UHRF2: variants seen among roughly 807,000 people sequenced by gnomAD.
UHRF2 encodes ubiquitin like with PHD and ring finger domains 2, also known as E3 ubiquitin-protein ligase UHRF2.
In UHRF2, 23 loss-of-function variants were observed where a neutral mutation model predicts 96.8. That is an observed-to-expected ratio of 0.24 (90% confidence interval 0.17 to 0.34). The LOEUF is 0.34. Ranked by LOEUF, UHRF2 falls within the 10% of genes least tolerant of loss-of-function variation. The pLI is 1.00. For synonymous variants in UHRF2, 385 were observed against 332.6 expected, an observed-to-expected ratio of 1.16 and a Z score of -1.72; for missense variants, 685 against 981.5, an observed-to-expected ratio of 0.70 and a Z score of 4.04.
intron 4 of UHRF2, among the ~76,000 whole-genome samples, chr9:6,469,312 G>A (rs1455924312): frequency 6.6e-6 from 1 of 152,136 alleles, no homozygotes; most frequent in Non-Finnish European, 1.5e-5. Flanking sequence ...GAGGTCAGGA[G>A]ATCAAGACTA....
intron 3 of UHRF2, among the ~76,000 whole-genome samples, chr9:6,439,234 G>C (rs563990797): frequency 2.0e-5 from 3 of 152,170 alleles, no homozygotes; most frequent in Non-Finnish European, 4.4e-5. Flanking sequence ...GCTTGGGCTG[G>C]AGTGCCGTGG....
intron 4 of UHRF2, among the ~76,000 whole-genome samples, chr9:6,472,641 C>G (rs559858463): frequency 6.6e-6 from 1 of 152,284 alleles, no homozygotes; most frequent in East Asian, 1.9e-4. Context: ...ACAGAACTAA[C>G]TGAACATAAA....
At chr9:6,435,738 C>G (rs753118708) in intron 3 of UHRF2, among the ~76,000 whole-genome samples, 40 of 152,216 alleles carry the variant, frequency 2.6e-4, no homozygotes, top group South Asian at 1.2e-3. Context: ...TCCTGAGTAG[C>G]TGGGGGCTAC....
intron 3 of UHRF2, among the ~76,000 whole-genome samples, chr9:6,446,314 C>G (rs1253605395): frequency 6.6e-6 from 1 of 151,914 alleles, no homozygotes; most frequent in African/African-American, 2.4e-5. Context: ...CCACACTTGG[C>G]TAATTTTTAG....
intron 3 of UHRF2, among the ~76,000 whole-genome samples, chr9:6,444,684 C>T (rs1003945686): frequency 6.6e-6 from 1 of 152,144 alleles, no homozygotes; most frequent in Middle Eastern, 3.2e-3. Flanking sequence ...TCACTGCAAC[C>T]TCCCCCTCCA....
intron 3 of UHRF2, among the ~76,000 whole-genome samples, chr9:6,442,451 GGTTTTGTTTT>G (rs892747865): frequency 8.9e-5 from 5 of 56,290 alleles, no homozygotes; most frequent in Admixed American, 8.5e-4. Context: ...ATTGGCATAA[GGTTTTGTTTT>G]GTTTTGTTTT....
chr9:6,442,186 A>G (rs1821206646), intron 3 of UHRF2, among the ~76,000 whole-genome samples: 1 of 152,136 alleles, frequency 6.6e-6, no homozygotes, highest in African/African-American at 2.4e-5. Flanking sequence ...GCTGGTCTCA[A>G]ACTCCTGACC....
chr9:6,437,728 G>A (rs1052764832), intron 3 of UHRF2, among the ~76,000 whole-genome samples: 1 of 151,746 alleles, frequency 6.6e-6, no homozygotes, highest in African/African-American at 2.4e-5. Context: ...AGTAATTCTC[G>A]TGCCTCAGCC....
At position 6,482,118 on chromosome 9, in the gene UHRF2, T is replaced by G; in HGVS notation, c.1392+19T>G. ...AGTTCAGGTATGTTTTAACTTGGGC[T>G]TAGTTGAAAGGGGAGAATTGGCTAT... is the stretch of plus-strand genomic sequence containing the variant. On this transcript the variant is annotated intron_variant, in intron 8 of 15. Coordinates refer to ENST00000276893, the MANE Select transcript of UHRF2 (RefSeq NM_152896.3). The G allele has an allele frequency of 6.3e-7, 1 of 1,599,922 alleles. No individual in the cohort carries two copies. The highest frequency in any genetic ancestry group is 1.3e-5 in the African/African-American group (1 of 74,756).
At chr9:6,416,827 T>G (rs533011225) in intron 1 of UHRF2, among the ~76,000 whole-genome samples, 62 of 152,288 alleles carry the variant, frequency 4.1e-4, no homozygotes, top group Non-Finnish European at 8.2e-4. Flanking sequence ...GCGCCCGGCC[T>G]AAATCTTTTG....
At chr9:6,456,249 C>T (rs184404855) in intron 3 of UHRF2, among the ~76,000 whole-genome samples, 85 of 152,098 alleles carry the variant, frequency 5.6e-4, no homozygotes, top group Admixed American at 1.3e-3. Context: ...GATATGGTAT[C>T]TCAGTGTGGT....
intron 2 of UHRF2, among the ~76,000 whole-genome samples, chr9:6,427,695 A>G (rs1820337105): frequency 6.6e-6 from 1 of 152,048 alleles, no homozygotes; most frequent in Admixed American, 6.6e-5. Flanking sequence ...AAAAAAAAGA[A>G]ATTTTAATCT....
At chr9:6,451,723 G>A (rs950208240) in intron 3 of UHRF2, among the ~76,000 whole-genome samples, 7 of 151,628 alleles carry the variant, frequency 4.6e-5, no homozygotes, top group African/African-American at 1.2e-4. Flanking sequence ...CGCCTTTCTC[G>A]GCCTCCCAAA....
chr9:6,479,554 G>A (rs1451181808), intron 6 of UHRF2, among the ~76,000 whole-genome samples: 1 of 152,034 alleles, frequency 6.6e-6, no homozygotes, highest in African/African-American at 2.4e-5. Flanking sequence ...CCAATTATGA[G>A]ATGTTAAATA....
chr9:6,468,877 G>C (rs938078087), intron 4 of UHRF2: 4 of 356,326 alleles, frequency 1.1e-5, no homozygotes, highest in African/African-American at 8.6e-5. Context: ...ACTCAGCATA[G>C]ATGCTGATTA....
At chr9:6,488,434 A>C (rs1027844946) in intron 9 of UHRF2, among the ~76,000 whole-genome samples, 3 of 150,588 alleles carry the variant, frequency 2.0e-5, no homozygotes, top group Non-Finnish European at 4.4e-5. Flanking sequence ...TTATATTACC[A>C]CAGTTTCCAT....
intron 1 of UHRF2, chr9:6,415,260 T>G (rs1819530099): frequency 6.6e-6 from 1 of 152,226 alleles, no homozygotes; most frequent in African/African-American, 2.4e-5. Flanking sequence ...CATTCCAGAT[T>G]CCAGGGAAAA....
intron 2 of UHRF2, among the ~76,000 whole-genome samples, chr9:6,427,435 C>T (rs1820321033): frequency 6.6e-6 from 1 of 152,066 alleles, no homozygotes; most frequent in South Asian, 2.1e-4. Context: ...ACCTGTAATC[C>T]CAGCACTTTG....
Position 6,434,705 on chromosome 9 carries a change from C to T in UHRF2, c.644+532C>T, listed in dbSNP as rs143948077. 9.0e-3 allele frequency among the ~76,000 whole-genome samples: 1,370 copies of T among 152,292 alleles called. 14 individuals carry two copies. The highest frequency in any genetic ancestry group is 0.015 in the Non-Finnish European group (1,034 of 68,020). ...CTGCCCCCCTTGGCCTCCCAAAGTG[C>T]TGGGATTACAGGGGTGAGCCACTGC... On this transcript the variant is annotated intron_variant, in intron 3 of 15. Coordinates refer to ENST00000276893, the MANE Select transcript of UHRF2 (RefSeq NM_152896.3).
Sources: gnomAD v4.1 joint callset for allele counts (sites outside exome capture counted in the v4.1 genomes callset) on GRCh38, gnomAD v4.1.1 for gene constraint, MANE v1.5 for transcripts, NCBI Gene and HGNC (gene_info 2026-07-23, HGNC 2026-07-21) for gene names.